HRH1: variants seen among roughly 807,000 people sequenced by gnomAD.
HRH1 encodes histamine receptor H1, also known as histamine H1 receptor.
A neutral mutation model predicts 10.3 loss-of-function variants in HRH1; 6 were observed. The observed-to-expected ratio is 0.58, with a 90% CI of 0.32 to 1.15. The LOEUF is 1.15. Ranked by LOEUF, HRH1 falls within the 50% of genes most tolerant of loss-of-function variation. The pLI is 0.05. For synonymous variants in HRH1, 242 were observed against 236.7 expected (o/e 1.02, Z -0.21); for missense variants, 514 against 615.3 (o/e 0.84, Z 1.74).
At chr3:11,197,693 T>G (rs377585984) in intron 1 of HRH1, among the ~76,000 whole-genome samples, 2 of 152,302 alleles carry the variant, frequency 1.3e-5, no homozygotes, top group Non-Finnish European at 2.9e-5. Context: ...TAAACATGCC[T>G]TTTAAAGACC....
chr3:11,203,653 A>G (rs1302303235), intron 1 of HRH1, among the ~76,000 whole-genome samples: 1 of 152,224 alleles, frequency 6.6e-6, no homozygotes, highest in Non-Finnish European at 1.5e-5. Flanking sequence ...GTCAAAAACA[A>G]CTTGACTGTA....
intron 1 of HRH1, among the ~76,000 whole-genome samples, chr3:11,237,731 AGTGG>A (rs1939224531): frequency 1.7e-5 from 2 of 121,090 alleles, no homozygotes; most frequent in Non-Finnish European, 3.1e-5. Flanking sequence ...GCTGGAGTGC[AGTGG>A]CGTGATCTCA....
intron 1 of HRH1, among the ~76,000 whole-genome samples, chr3:11,185,602 C>T (rs1047515583): frequency 6.6e-6 from 1 of 152,118 alleles, no homozygotes; most frequent in African/African-American, 2.4e-5. Context: ...TGTGGTCTGG[C>T]CTTTAGACCA....
At chr3:11,183,722 CTT>C (rs1251006297) in intron 1 of HRH1, among the ~76,000 whole-genome samples, 5 of 143,042 alleles carry the variant, frequency 3.5e-5, no homozygotes, top group Non-Finnish European at 3.1e-5. Flanking sequence ...CTGGAAATTT[CTT>C]TTTTTTTTTT....
chr3:11,151,587 C>T (rs560283487), upstream of HRH1, among the ~76,000 whole-genome samples: 1 of 152,162 alleles, frequency 6.6e-6, no homozygotes, highest in South Asian at 2.1e-4. Context: ...AGCCTTGATC[C>T]CCTGGGTTCA....
chr3:11,141,670 A>C (rs1161064474), intron 1 of HRH1, among the ~76,000 whole-genome samples: 1 of 152,224 alleles, frequency 6.6e-6, no homozygotes, highest in Non-Finnish European at 1.5e-5. Flanking sequence ...ATAAGAGACC[A>C]AAGTGGAAGC....
intron 1 of HRH1, among the ~76,000 whole-genome samples, chr3:11,187,592 C>T (rs898823469): frequency 2.0e-5 from 3 of 152,134 alleles, no homozygotes; most frequent in Non-Finnish European, 4.4e-5. Flanking sequence ...TTTCTAAGTC[C>T]TGCACATGCT....
At chr3:11,213,602 G>T (rs191789244) in intron 1 of HRH1, among the ~76,000 whole-genome samples, 15 of 152,342 alleles carry the variant, frequency 9.8e-5, no homozygotes, top group Admixed American at 9.1e-4. Context: ...TGATGGAAGA[G>T]GTGGAAGGGA....
At chr3:11,164,909 A>G (rs55662681) in intron 1 of HRH1, among the ~76,000 whole-genome samples, 27,409 of 152,188 alleles carry the variant, frequency 0.18, 2,966 homozygotes, top group East Asian at 0.29. Context: ...AACAGGGAAG[A>G]GTCCCAGCAG....
intron 1 of HRH1, among the ~76,000 whole-genome samples, chr3:11,157,148 A>T (rs1936823973): frequency 6.6e-6 from 1 of 152,200 alleles, no homozygotes; most frequent in African/African-American, 2.4e-5. Flanking sequence ...GAGGGACAGA[A>T]AGCTTAGGGT....
intron 1 of HRH1, among the ~76,000 whole-genome samples, chr3:11,238,304 A>G (rs1939241438): frequency 3.3e-5 from 5 of 152,194 alleles, no homozygotes; most frequent in Non-Finnish European, 7.3e-5. Context: ...GTTACGCATA[A>G]CATCTCACTG....
Position 11,162,163 on chromosome 3 carries a change from A to G in HRH1, c.-36+7609A>G, listed in dbSNP as rs1230993860. On this transcript the variant is annotated intron_variant, in intron 1 of 1. Coordinates refer to ENST00000431010, the MANE Select transcript of HRH1 (RefSeq NM_001098212.2). ...TCCCTGCAGGCACGCTGGCTCCCAA[A>G]AGAAGGGACTGAGTTATACTTACTT... 4.6e-5 allele frequency among the ~76,000 whole-genome samples: 7 copies of G among 152,124 alleles called. No individual in the cohort carries two copies. In the East Asian group the frequency reaches 1.4e-3, roughly 29 times the overall value.
intron 1 of HRH1, among the ~76,000 whole-genome samples, chr3:11,246,108 A>ACACATG (rs1185605721): frequency 6.6e-6 from 1 of 151,992 alleles, no homozygotes; most frequent in Non-Finnish European, 1.5e-5. Flanking sequence ...ACACACAAAC[A>ACACATG]CACATGCACA....
At chr3:11,185,268 C>G (rs1308844546) in intron 1 of HRH1, among the ~76,000 whole-genome samples, 1 of 152,188 alleles carries the variant, frequency 6.6e-6, no homozygotes, top group Non-Finnish European at 1.5e-5. Context: ...CCTGCACTTT[C>G]ACTCATTGAG....
intron 1 of HRH1, among the ~76,000 whole-genome samples, chr3:11,149,202 C>T (rs1162981112): frequency 2.0e-5 from 3 of 152,186 alleles, no homozygotes; most frequent in Admixed American, 6.5e-5. Context: ...TTCTTAGTAT[C>T]TATTATATAA....
At chr3:11,166,520 A>G (rs1432558374) in intron 1 of HRH1, among the ~76,000 whole-genome samples, 2 of 151,792 alleles carry the variant, frequency 1.3e-5, no homozygotes, top group Non-Finnish European at 2.9e-5. Flanking sequence ...CAGGCCCGTG[A>G]CATCTGCTGT....
chr3:11,250,281 G>C (rs1016877887), intron 1 of HRH1, among the ~76,000 whole-genome samples: 29 of 144,668 alleles, frequency 2.0e-4, no homozygotes, highest in African/African-American at 7.5e-4. Flanking sequence ...GGATGGTCAC[G>C]ATCTCCTGAC....
At chr3:11,239,473 C>T (rs346084) in intron 1 of HRH1, among the ~76,000 whole-genome samples, 83,048 of 152,052 alleles carry the variant, frequency 0.55, 24,031 homozygotes, top group East Asian at 0.7. Flanking sequence ...CATAGCTTTT[C>T]ATTTTCTTAG....
At chr3:11,253,788 C>T (rs1385441092) in intron 1 of HRH1, among the ~76,000 whole-genome samples, 1 of 152,160 alleles carries the variant, frequency 6.6e-6, no homozygotes, top group Non-Finnish European at 1.5e-5. Context: ...TTGTATCATG[C>T]TCCTTTCTTC....
Sources: gnomAD v4.1 joint callset for allele counts (sites outside exome capture counted in the v4.1 genomes callset) on GRCh38, gnomAD v4.1.1 for gene constraint, MANE v1.5 for transcripts, NCBI Gene and HGNC (gene_info 2026-07-23, HGNC 2026-07-21) for gene names.